Variants in ZEB1 observed in about 807,000 individuals in gnomAD.
ZEB1 encodes the protein zinc finger E-box-binding homeobox 1.
Under a neutral mutation model 84.9 loss-of-function variants are expected in ZEB1, and 21 were observed. That is an observed-to-expected ratio of 0.25 (90% CI 0.18 to 0.36). The LOEUF (loss-of-function observed/expected upper bound fraction) is 0.36, where lower values mean the gene tolerates loss of function less well. Among genes scored for constraint, ZEB1 ranks in the 10% least tolerant of loss-of-function variants. The probability of loss-of-function intolerance (pLI) is 1.00; values close to 1 mark genes in which losing one functional copy is unlikely to be tolerated. For synonymous variants in ZEB1, 420 were observed against 471.1 expected, an observed-to-expected ratio of 0.89 and a Z score of 1.41; for missense variants, 1,104 against 1,330.2, an observed-to-expected ratio of 0.83 and a Z score of 2.65.
At chr10:31,470,014 A>T (rs945084551) in intron 2 of ZEB1, among the ~76,000 whole-genome samples, 36 of 152,128 alleles carry the variant, frequency 2.4e-4, no homozygotes, top group Non-Finnish European at 4.0e-4. Context: ...TGTCTGTTAG[A>T]AGGAAAACTA....
chr10:31,503,015 T>C (rs2068384793), intron 4 of ZEB1, among the ~76,000 whole-genome samples: 1 of 152,132 alleles, frequency 6.6e-6, no homozygotes, highest in Non-Finnish European at 1.5e-5. Flanking sequence ...TAGGCTGTGA[T>C]ACAGTTTGGG....
Position 31,363,042 on chromosome 10 carries a change from C to T in ZEB1, c.58+43750C>T, listed in dbSNP as rs769030135. The T allele has an allele frequency of 1.6e-5, 25 of 1,533,594 alleles. No individual in the cohort carries two copies. The Admixed American group carries it at 3.3e-4, about 20-fold the overall frequency. 95.0% of individuals were successfully genotyped at this position (1,533,594 alleles called of 1,614,324 possible). A position where few individuals can be genotyped will look rare whatever the true frequency, so the allele number is the denominator to read the frequency against. ...CACACCTCAGTTGCAGGGGAGGGGT[C>T]GGTTGCAGCTGCAGCGGTGGCCCCG... is the stretch of plus-strand genomic sequence containing the variant. On this transcript the variant is annotated intron_variant, in intron 1 of 8. Coordinates refer to ENST00000424869, the MANE Select transcript of ZEB1 (RefSeq NM_001174096.2).
chr10:31,361,959 A>T (rs376141351), intron 1 of ZEB1, among the ~76,000 whole-genome samples: 55 of 126,872 alleles, frequency 4.3e-4, no homozygotes, highest in African/African-American at 1.6e-3. Flanking sequence ...CGCAGACGGG[A>T]CGGCGGCAGG....
intron 1 of ZEB1, among the ~76,000 whole-genome samples, chr10:31,443,654 T>A (rs1378491181): frequency 6.9e-4 from 101 of 147,120 alleles, no homozygotes; most frequent in African/African-American, 2.4e-3. Context: ...TGAGTGAGAA[T>A]ATGCGGTGTT....
chr10:31,449,452 T>C lies in ZEB1; in HGVS notation c.59-11585T>C, dbSNP rs531681417. Among the ~76,000 whole-genome samples, 11 of 152,324 alleles carry C rather than the reference T, an allele frequency of 7.2e-5. 1 individual carries two copies. In the South Asian group the frequency reaches 1.7e-3, roughly 23 times the overall value. ...TGGCTCCTCTCTGCCTATATTTTCT[T>C]CTAATACTTTTATGGTTTCAGTTTT... On this transcript the variant is annotated intron_variant, in intron 1 of 8. Transcript: ENST00000424869.
At chr10:31,516,201 T>C (rs2071064515) in intron 6 of ZEB1, among the ~76,000 whole-genome samples, 1 of 152,008 alleles carries the variant, frequency 6.6e-6, no homozygotes, top group South Asian at 2.1e-4. Context: ...GAGCTGACTG[T>C]ATGCTGATAC....
At chr10:31,462,490 G>A (rs1366975637) in intron 2 of ZEB1, among the ~76,000 whole-genome samples, 1 of 152,182 alleles carries the variant, frequency 6.6e-6, no homozygotes, top group East Asian at 1.9e-4. Context: ...ATTAGAGAAG[G>A]AAGGAGAAGT....
intron 1 of ZEB1, among the ~76,000 whole-genome samples, chr10:31,364,954 A>T (rs547722940): frequency 2.0e-5 from 3 of 152,214 alleles, no homozygotes; most frequent in Non-Finnish European, 2.9e-5. Context: ...CCAGTCCTCT[A>T]CAAAGACGTA....
intron 1 of ZEB1, among the ~76,000 whole-genome samples, chr10:31,384,795 T>C (rs1590669681): frequency 6.6e-6 from 1 of 152,302 alleles, no homozygotes; most frequent in East Asian, 1.9e-4. Context: ...AGTTCCTCTG[T>C]CTAGGGAGTT....
chr10:31,468,519 C>A (rs1173106104), intron 2 of ZEB1, among the ~76,000 whole-genome samples: 1 of 152,178 alleles, frequency 6.6e-6, no homozygotes, highest in Non-Finnish European at 1.5e-5. Context: ...GTACACAGCT[C>A]TAAGGAATGA....
At chr10:31,363,645 A>T in intron 1 of ZEB1, 1 of 1,456,326 alleles carries the variant, frequency 6.9e-7, no homozygotes, top group Non-Finnish European at 9.3e-7. Context: ...CATCTAATGA[A>T]GGAAGTTGAA....
In ZEB1 at chr10:31,351,390, CTAAA is replaced by C. The variant is rs1344418043; in HGVS notation, c.58+32102_58+32105del. On this transcript the variant is annotated intron_variant, in intron 1 of 8. Coordinates refer to ENST00000424869, the MANE Select transcript of ZEB1 (RefSeq NM_001174096.2). ...TTTTCAGAAATGCTTTTTTACTAGA[CTAAA>C]TAACTTTTCAGCATCAGTCTGATAA... 3.3e-5 allele frequency among the ~76,000 whole-genome samples: 5 copies of C among 152,150 alleles called. No individual in the cohort carries two copies. The South Asian group carries it at 8.3e-4, about 25-fold the overall frequency.
intron 1 of ZEB1, among the ~76,000 whole-genome samples, chr10:31,388,196 T>A (rs1040058126): frequency 1.3e-5 from 2 of 152,198 alleles, no homozygotes; most frequent in African/African-American, 4.8e-5. Context: ...AACAAGAGAC[T>A]AAATGTCTAG....
chr10:31,383,479 G>A (rs573016432), intron 1 of ZEB1, among the ~76,000 whole-genome samples: 3 of 152,250 alleles, frequency 2.0e-5, no homozygotes, highest in South Asian at 2.1e-4. Context: ...CTAAATGTAC[G>A]TATGGAAAGT....
At chr10:31,408,633 A>G (rs1416526586) in intron 1 of ZEB1, among the ~76,000 whole-genome samples, 1 of 145,430 alleles carries the variant, frequency 6.9e-6, no homozygotes, top group East Asian at 1.9e-4. Context: ...TGAGAAAAAC[A>G]AGCAATGGGG....
At chr10:31,502,654 T>A in intron 4 of ZEB1, 145 bp downstream of exon 4, 1 of 949,844 alleles carries the variant, frequency 1.1e-6, no homozygotes, top group Non-Finnish European at 1.6e-6. Context: ...TAATCTGTTT[T>A]ATTAATGGAA....
chr10:31,418,161 G>A (rs1303785559), intron 1 of ZEB1, among the ~76,000 whole-genome samples: 1 of 151,874 alleles, frequency 6.6e-6, no homozygotes, highest in African/African-American at 2.4e-5. Flanking sequence ...TATCCAGCAT[G>A]CACTCCCTAA....
At chr10:31,496,206 G>T (rs1165693562) in intron 3 of ZEB1, among the ~76,000 whole-genome samples, 2 of 151,996 alleles carry the variant, frequency 1.3e-5, no homozygotes, top group Non-Finnish European at 2.9e-5. Context: ...ACCTGGGTCT[G>T]CTTTGAATTG....
chr10:31,498,238 GGT>G (rs1331647671), intron 3 of ZEB1, among the ~76,000 whole-genome samples: 2 of 151,906 alleles, frequency 1.3e-5, no homozygotes, highest in African/African-American at 4.8e-5. Context: ...CAGAAATTCT[GGT>G]CTCAGTTTGA....
Sources: gnomAD v4.1 joint callset for allele counts (sites outside exome capture counted in the v4.1 genomes callset) on GRCh38, gnomAD v4.1.1 for gene constraint, MANE v1.5 for transcripts, NCBI Gene and HGNC (gene_info 2026-07-23, HGNC 2026-07-21) for gene names.